WWC2: variants seen among roughly 807,000 people sequenced by gnomAD.
WWC2 encodes the protein WW and C2 domain containing 2.
WWC2 carries 101 observed loss-of-function variants against 138.5 expected under a neutral mutation model. That is an observed-to-expected ratio of 0.73 (90% CI 0.62 to 0.86). The LOEUF is 0.86. Among genes scored for constraint, WWC2 ranks in the 40% least tolerant of loss-of-function variants. The probability of loss-of-function intolerance (pLI) is 0.00; values close to 1 mark genes in which losing one functional copy is unlikely to be tolerated. For synonymous variants in WWC2, 558 were observed against 538.4 expected (o/e 1.04, Z -0.50); for missense variants, 1,420 against 1,419.4 (o/e 1.00, Z -0.01).
chr4:183,223,685 T>A (rs190700827), intron 4 of WWC2, among the ~76,000 whole-genome samples: 1 of 152,188 alleles, frequency 6.6e-6, no homozygotes, highest in Non-Finnish European at 1.5e-5. Context: ...TTGGTAAATA[T>A]ATTTCTGAAG....
chr4:183,266,790 G>T (rs2111370797), intron 14 of WWC2, among the ~76,000 whole-genome samples: 1 of 152,292 alleles, frequency 6.6e-6, no homozygotes, highest in Non-Finnish European at 1.5e-5. Context: ...CTGTTGAGGG[G>T]TGATCCCCAA....
chr4:183,123,946 T>TCA (rs1732681449), intron 1 of WWC2, among the ~76,000 whole-genome samples: 1 of 152,228 alleles, frequency 6.6e-6, no homozygotes, highest in African/African-American at 2.4e-5. Context: ...AGATTTTGGT[T>TCA]GTAATGTTAT....
At chr4:183,209,063 A>G (rs570893313) in intron 4 of WWC2, 38 bp downstream of exon 4, 6 of 1,404,042 alleles carry the variant, frequency 4.3e-6, no homozygotes, top group Non-Finnish European at 5.9e-6. Context: ...GTTGACCCAT[A>G]TGCATAGAGT....
At position 183,101,086 on chromosome 4, in the gene WWC2, A is replaced by G. The variant is rs76926263; in HGVS notation, c.131+1464A>G. Reference sequence around the variant, plus strand: ...TGCGGCTTTTAAGGCACCTGTATAAATATTTGACTTTTACAGTTGTGTGGT... The same window carrying G: ...TGCGGCTTTTAAGGCACCTGTATAAGTATTTGACTTTTACAGTTGTGTGGT... On this transcript the variant is annotated intron_variant, in intron 1 of 22. Coordinates refer to ENST00000403733, the MANE Select transcript of WWC2 (RefSeq NM_024949.6). Among the ~76,000 whole-genome samples the G allele has an allele frequency of 3.2e-4, 49 of 152,372 alleles. 1 individual carries two copies. The East Asian group carries it at 9.3e-3, about 29-fold the overall frequency.
intron 16 of WWC2, among the ~76,000 whole-genome samples, chr4:183,272,769 G>C (rs572082391): frequency 6.6e-5 from 10 of 152,254 alleles, no homozygotes; most frequent in African/African-American, 2.4e-4. Context: ...TACCTCCATG[G>C]TGTTGCAGTA....
intron 1 of WWC2, among the ~76,000 whole-genome samples, chr4:183,162,918 T>G (rs4550974): frequency 6.6e-6 from 1 of 152,196 alleles, no homozygotes; most frequent in African/African-American, 2.4e-5. Context: ...TTCCAAGAAG[T>G]GCCTTTATTT....
At chr4:183,219,019 A>G (rs1273126408) in intron 4 of WWC2, among the ~76,000 whole-genome samples, 1 of 152,246 alleles carries the variant, frequency 6.6e-6, no homozygotes, top group African/African-American at 2.4e-5. Context: ...TTAAAACATA[A>G]TGAAATTCTG....
At chr4:183,158,004 C>T (rs1733855322) in intron 1 of WWC2, among the ~76,000 whole-genome samples, 1 of 152,018 alleles carries the variant, frequency 6.6e-6, no homozygotes, top group Non-Finnish European at 1.5e-5. Flanking sequence ...ATGCACCTTC[C>T]CCCCTTTCCT....
At chr4:183,310,345 A>G (rs1470688344) in intron 21 of WWC2, among the ~76,000 whole-genome samples, 1 of 152,188 alleles carries the variant, frequency 6.6e-6, no homozygotes, top group Non-Finnish European at 1.5e-5. Context: ...CCATTTTGCT[A>G]TGAACCTAAA....
In WWC2 at chr4:183,123,402, G is replaced by GGGGTGT. The variant is rs1554065768; in HGVS notation, c.131+23781_131+23782insGGTGTG. 2.8e-3 allele frequency among the ~76,000 whole-genome samples: 415 copies of GGGGTGT among 147,718 alleles called. 16 individuals are homozygous for GGGGTGT. Among genetic ancestry groups the GGGGTGT allele is most frequent in the Non-Finnish European group, 6.4e-4 (43 of 66,834 alleles). On this transcript the variant is annotated intron_variant, in intron 1 of 22. Transcript: ENST00000403733. ...GTTTAGAGAAACACAGCAAGTTTCA[G>GGGGTGT]GTGTGTGTGTGTGTGTGTGTGTGTG... is the stretch of plus-strand genomic sequence containing the variant.
chr4:183,193,706 A>G lies in WWC2; in HGVS notation c.239A>G (p.Asn80Ser), dbSNP rs749510628. 2 of 1,612,364 alleles carry G rather than the reference A, an allele frequency of 1.2e-6. No homozygotes were observed. Among genetic ancestry groups the G allele is most frequent in the South Asian group, 2.2e-5 (2 of 90,718 alleles). The change falls in exon 2 of 23, where the codon AAC becomes AGC. Residue 80 changes from asparagine to serine, a missense_variant and splice_region_variant. Physicochemically the swap from Asn to Ser is conservative, Grantham distance 46. Transcript: ENST00000403733. The part of the protein sequence containing the change: ...QIGVYYIDHI[N>S]KTTQIEDPRK... ...GGTGTCTACTACATCGATCACATCA[A>G]CAGTAAGTTTTCCTTTTTGGTAAAA...
chr4:183,147,790 A>G (rs567675374), intron 1 of WWC2, among the ~76,000 whole-genome samples: 1 of 152,360 alleles, frequency 6.6e-6, no homozygotes, highest in East Asian at 1.9e-4. Context: ...TTGAAATGCC[A>G]TAAAGACAAA....
intron 4 of WWC2, among the ~76,000 whole-genome samples, chr4:183,223,120 C>G (rs1735977630): frequency 6.6e-6 from 1 of 152,204 alleles, no homozygotes; most frequent in Non-Finnish European, 1.5e-5. Context: ...TACACAAATG[C>G]TTACAATTAT....
chr4:183,225,358 A>G (rs76300105), intron 4 of WWC2, among the ~76,000 whole-genome samples: 1 of 152,238 alleles, frequency 6.6e-6, no homozygotes, highest in Non-Finnish European at 1.5e-5. Flanking sequence ...AGCACTTTTT[A>G]TGATTAGAAT....
At position 183,151,143 on chromosome 4, in the gene WWC2, A is replaced by T. The variant is rs951927514; in HGVS notation, c.132-42456A>T. On this transcript the variant is annotated intron_variant, in intron 1 of 22. Transcript: ENST00000403733. Reference sequence around the variant, plus strand: ...TCTTCCACAATGGTTGAACGAATTTATACTCCCACCAACAGTGTAAAAGCA... The same window carrying T: ...TCTTCCACAATGGTTGAACGAATTTTTACTCCCACCAACAGTGTAAAAGCA... Among the ~76,000 whole-genome samples the T allele has an allele frequency of 2.6e-5, 4 of 152,288 alleles. No individual in the cohort carries two copies. In the East Asian group the frequency reaches 7.7e-4, roughly 29 times the overall value.
intron 4 of WWC2, among the ~76,000 whole-genome samples, chr4:183,232,724 T>G (rs1220189067): frequency 6.6e-6 from 1 of 152,206 alleles, no homozygotes; most frequent in East Asian, 1.9e-4. Flanking sequence ...CTTGGCTCAC[T>G]GCAACCTCTG....
chr4:183,312,591 C>A, intron 22 of WWC2, 123 bp downstream of exon 22: 1 of 1,378,530 alleles, frequency 7.3e-7, no homozygotes, highest in Non-Finnish European at 9.8e-7. Flanking sequence ...TGTTCTCTAC[C>A]TTGAATATAT....
intron 1 of WWC2, among the ~76,000 whole-genome samples, chr4:183,101,486 G>GTT (rs1203334460): frequency 1.3e-5 from 2 of 152,182 alleles, no homozygotes; most frequent in East Asian, 3.8e-4. Context: ...CCTTGCAGCT[G>GTT]TTAGGTCTTA....
chr4:183,230,050 C>T (rs993355315), intron 4 of WWC2, among the ~76,000 whole-genome samples: 1 of 151,978 alleles, frequency 6.6e-6, no homozygotes. Context: ...ATCTCAAACC[C>T]CTGGGCTCAG....
Sources: allele counts gnomAD v4.1 joint callset (sites outside exome capture counted in the v4.1 genomes callset), GRCh38; gene constraint gnomAD v4.1.1; transcripts MANE v1.5; gene names NCBI Gene and HGNC (gene_info 2026-07-23, HGNC 2026-07-21).